The following ASNS variants were observed in gnomAD, a reference collection of about 807,000 sequenced individuals.
ASNS encodes asparagine synthetase (glutamine-hydrolyzing), also known as asparagine synthetase [glutamine-hydrolyzing].
Under a neutral mutation model 62.6 loss-of-function variants are expected in ASNS, and 37 were observed. The ratio of observed to expected loss-of-function variants is 0.59; its 90% CI spans 0.45 to 0.78. The LOEUF is 0.78. Among genes scored for constraint, ASNS ranks in the 30% least tolerant of loss-of-function variants. The pLI, the probability that ASNS is intolerant of heterozygous loss-of-function variation, is 0.00. For missense variants in ASNS, 520 were observed against 682.4 expected (o/e 0.76, Z 2.65); for synonymous variants, 207 against 237.9 (o/e 0.87, Z 1.19).
the ASNS span, among the ~76,000 whole-genome samples, chr7:97,897,088 G>A: frequency 1.3e-5 from 2 of 151,986 alleles, no homozygotes; most frequent in Non-Finnish European, 2.9e-5. Context: ...AAACACAGGA[G>A]AAACTCTTGA....
intron 4 of ASNS, chr7:97,863,929 T>C: frequency 4.3e-6 from 1 of 232,306 alleles, no homozygotes. Context: ...CTGCGCAAAG[T>C]ACCACAATGC....
At chr7:97,861,002 T>C (rs1428234230) in intron 4 of ASNS, among the ~76,000 whole-genome samples, 2 of 148,554 alleles carry the variant, frequency 1.3e-5, no homozygotes, top group Non-Finnish European at 3.0e-5. Flanking sequence ...GTGGATTAGT[T>C]CAAAACTGAT....
intron 3 of ASNS, among the ~76,000 whole-genome samples, chr7:97,865,933 C>T (rs1195101911): frequency 6.6e-6 from 1 of 152,016 alleles, no homozygotes; most frequent in African/African-American, 2.4e-5. Context: ...TAGGGAACGC[C>T]AAATAAACTG....
the ASNS span, among the ~76,000 whole-genome samples, chr7:97,900,368 A>AG: frequency 1.3e-5 from 2 of 150,430 alleles, no homozygotes. Flanking sequence ...CTCAAAAAAA[A>AG]AAAAAAAAAA....
chr7:97,909,996 C>A, the ASNS span, among the ~76,000 whole-genome samples: 1 of 151,974 alleles, frequency 6.6e-6, no homozygotes, highest in Non-Finnish European at 1.5e-5. Flanking sequence ...GCTGAGATGA[C>A]CCAGACATCA....
At chr7:97,863,019 A>G (rs1228064069) in intron 4 of ASNS, 1 of 152,216 alleles carries the variant, frequency 6.6e-6, no homozygotes, top group African/African-American at 2.4e-5. Flanking sequence ...GGAGAAACAG[A>G]AATTTTAATA....
At chr7:97,901,388 T>TC in the ASNS span, among the ~76,000 whole-genome samples, 1 of 152,088 alleles carries the variant, frequency 6.6e-6, no homozygotes, top group African/African-American at 2.4e-5. Context: ...TAGAGACGTT[T>TC]CATCATGTTG....
upstream of ASNS, among the ~76,000 whole-genome samples, chr7:97,874,963 T>C (rs1792408020): frequency 3.3e-5 from 5 of 152,256 alleles, no homozygotes; most frequent in Admixed American, 3.3e-4. Flanking sequence ...TTGGCTTTGT[T>C]TGGGTTTGTT....
At chr7:97,913,354 C>CT in the ASNS span, among the ~76,000 whole-genome samples, 5 of 152,180 alleles carry the variant, frequency 3.3e-5, no homozygotes, top group African/African-American at 1.2e-4. Context: ...CAACGGGGAA[C>CT]TTTTTTCTGA....
At chr7:97,876,189 T>G (rs1442670589), upstream of ASNS, among the ~76,000 whole-genome samples, 1 of 151,856 alleles carries the variant, frequency 6.6e-6, no homozygotes, top group Non-Finnish European at 1.5e-5. Flanking sequence ...AAGGTCAGAG[T>G]TAGGGTTTTA....
chr7:97,864,062 T>C (rs912323661), intron 4 of ASNS, 197 bp downstream of exon 4: 10 of 535,116 alleles, frequency 1.9e-5, no homozygotes, highest in Non-Finnish European at 3.3e-5. Flanking sequence ...CACTAAAGAA[T>C]CATCCTTCAA....
intron 6 of ASNS, 145 bp from the exon 7 acceptor site, chr7:97,858,550 A>G: frequency 9.5e-7 from 1 of 1,050,644 alleles, no homozygotes; most frequent in Non-Finnish European, 1.4e-6. Context: ...ATCAACTTCA[A>G]CAAGAGAAAA....
chr7:97,905,451 C>T, the ASNS span, among the ~76,000 whole-genome samples: 1 of 152,198 alleles, frequency 6.6e-6, no homozygotes, highest in Non-Finnish European at 1.5e-5. Context: ...CCATCCAACT[C>T]TAGGGTAGAC....
chr7:97,852,974 A>G lies in ASNS; in HGVS notation c.1476+86T>C, dbSNP rs539858593. On this transcript the variant is annotated intron_variant, in intron 12 of 12. Coordinates refer to ENST00000394308, the MANE Select transcript of ASNS (RefSeq NM_001673.5). ...ATCATTCAAACTAAATACATGTATC[A>G]TTCAAACTAAATACAAAATGAACAG... 30 of 1,311,900 alleles carry G rather than the reference A, an allele frequency of 2.3e-5. No individual in the cohort carries two copies. The South Asian group carries it at 4.6e-4, about 20-fold the overall frequency. The allele number at this position is 1,311,900 out of a possible 1,614,324, so 81.3% of individuals were successfully genotyped here.
chr7:97,853,871 C>T (rs183788400), intron 10 of ASNS, among the ~76,000 whole-genome samples: 8 of 152,108 alleles, frequency 5.3e-5, no homozygotes, highest in Non-Finnish European at 8.8e-5. Flanking sequence ...TCCAAATCAC[C>T]GGTTTCCTGA....
At chr7:97,925,932 C>A in the ASNS span, among the ~76,000 whole-genome samples, 1 of 152,144 alleles carries the variant, frequency 6.6e-6, no homozygotes, top group South Asian at 2.1e-4. Context: ...CACAAGCGGT[C>A]AATAAAGGCT....
At chr7:97,886,685 G>C in the ASNS span, among the ~76,000 whole-genome samples, 1 of 152,104 alleles carries the variant, frequency 6.6e-6, no homozygotes, top group South Asian at 2.1e-4. Flanking sequence ...AAGACGTGGG[G>C]CTGCCAAATG....
chr7:97,858,738 G>A (rs1194700640), intron 6 of ASNS, 116 bp downstream of exon 6: 1 of 1,002,988 alleles, frequency 1.0e-6, no homozygotes, highest in African/African-American at 1.6e-5. Flanking sequence ...ATCCTATAAT[G>A]AAGGAAAGAG....
At chr7:97,855,039 G>A in intron 9 of ASNS, 2 of 368,358 alleles carry the variant, frequency 5.4e-6, no homozygotes, top group East Asian at 5.4e-5. Flanking sequence ...GTGCAGTGGT[G>A]CAATCACAGC....
Sources: gnomAD v4.1 joint callset for allele counts (sites outside exome capture counted in the v4.1 genomes callset) on GRCh38, gnomAD v4.1.1 for gene constraint, MANE v1.5 for transcripts, NCBI Gene and HGNC (gene_info 2026-07-23, HGNC 2026-07-21) for gene names.